VPS13D: variants seen among roughly 807,000 people sequenced by gnomAD.
VPS13D encodes intermembrane lipid transfer protein VPS13D.
A neutral mutation model predicts 461.9 loss-of-function variants in VPS13D; 187 were observed. The observed-to-expected ratio is 0.40, with a 90% CI of 0.36 to 0.46. VPS13D has a LOEUF of 0.46. Among genes scored for constraint, VPS13D ranks in the 20% least tolerant of loss-of-function variants. The pLI, the probability that VPS13D is intolerant of heterozygous loss-of-function variation, is 0.60. For synonymous variants in VPS13D, 1,951 were observed against 1,986.3 expected (o/e 0.98, Z 0.47); for missense variants, 4,711 against 5,364.9 (o/e 0.88, Z 3.81).
At chr1:12,329,550 C>G (rs1020948501) in intron 36 of VPS13D, among the ~76,000 whole-genome samples, 1 of 152,176 alleles carries the variant, frequency 6.6e-6, no homozygotes, top group Non-Finnish European at 1.5e-5. Context: ...TTCAGGTACA[C>G]CTGGGTGCCA....
chr1:12,482,470 A>T (rs1338046666), intron 67 of VPS13D, among the ~76,000 whole-genome samples: 1 of 152,240 alleles, frequency 6.6e-6, no homozygotes, highest in Admixed American at 6.5e-5. Flanking sequence ...TTTTTAAAAC[A>T]TAGTTTGATT....
intron 6 of VPS13D, among the ~76,000 whole-genome samples, chr1:12,250,490 C>G (rs1047940375): frequency 2.6e-5 from 4 of 152,222 alleles, no homozygotes; most frequent in African/African-American, 7.2e-5. Context: ...CACAGCTTGT[C>G]ATAACTAGAA....
rs760782412 is a variant in VPS13D, at chr1:12,304,527, C to G, written c.6238C>G (p.Pro2080Ala). 6.2e-7 allele frequency: 1 copy of G among 1,613,910 alleles called. No homozygotes were observed. Among genetic ancestry groups the G allele is most frequent in the Admixed American group, 1.7e-5 (1 of 59,978 alleles). Residue 2080 changes from proline (P) to alanine (A), a missense_variant, in exon 26 of 70, where the codon CCA becomes GCA. Physicochemically the swap from Pro to Ala is conservative, Grantham distance 27. Coordinates refer to ENST00000620676, the MANE Select transcript of VPS13D (RefSeq NM_015378.4). ...QDKESVPSAS[P>A]TGIPKHSLRK... is the part of the protein sequence containing the mutation. ...CCAGGAATCTGTGCCTTCAGCTTCC[C>G]CAACGGGTATTCCCAAACACAGTCT...
intron 23 of VPS13D, among the ~76,000 whole-genome samples, chr1:12,292,342 C>A (rs935099110): frequency 8.6e-5 from 6 of 70,154 alleles, no homozygotes; most frequent in Non-Finnish European, 1.4e-4. Flanking sequence ...TTTTTTTTTT[C>A]TTTTTTTTAA....
chr1:12,363,300 A>G, intron 52 of VPS13D, 53 bp downstream of exon 52: 1 of 1,568,148 alleles, frequency 6.4e-7, no homozygotes, highest in Non-Finnish European at 8.7e-7. Context: ...TTTGAGATGC[A>G]GTACTGTAAT....
chr1:12,244,185 A>G (rs1640472050), intron 3 of VPS13D, 61 bp from the exon 4 acceptor site: 18 of 1,521,622 alleles, frequency 1.2e-5, no homozygotes, highest in East Asian at 4.5e-5. Flanking sequence ...AAAAATACCA[A>G]AAAATGGAAA....
chr1:12,443,191 A>AT (rs1235647612), intron 65 of VPS13D, among the ~76,000 whole-genome samples: 1 of 152,212 alleles, frequency 6.6e-6, no homozygotes, highest in African/African-American at 2.4e-5. Flanking sequence ...CCAAACATAT[A>AT]TTTTTAATTC....
At chr1:12,414,129 C>A (rs1644765807) in intron 63 of VPS13D, among the ~76,000 whole-genome samples, 1 of 152,048 alleles carries the variant, frequency 6.6e-6, no homozygotes, top group South Asian at 2.1e-4. Flanking sequence ...ACAAAAAATA[C>A]AAAAATTAGC....
At chr1:12,481,251 A>C (rs1183366275) in intron 67 of VPS13D, among the ~76,000 whole-genome samples, 1 of 152,184 alleles carries the variant, frequency 6.6e-6, no homozygotes, top group African/African-American at 2.4e-5. Flanking sequence ...CCTGCTTGCA[A>C]GTCTGCATCC....
intron 47 of VPS13D, among the ~76,000 whole-genome samples, chr1:12,355,204 T>TC (rs200612275): frequency 0.011 from 1,629 of 152,286 alleles, 22 homozygotes; most frequent in African/African-American, 0.037. Flanking sequence ...TAATCCTAAA[T>TC]CAGGTCTTCA....
intron 67 of VPS13D, among the ~76,000 whole-genome samples, chr1:12,470,941 T>C (rs967498971): frequency 6.6e-6 from 1 of 152,244 alleles, no homozygotes; most frequent in African/African-American, 2.4e-5. Context: ...AATGATCCTT[T>C]GATTTTTTAG....
At chr1:12,322,099 T>A in intron 33 of VPS13D, 135 bp downstream of exon 33, 2 of 1,137,282 alleles carry the variant, frequency 1.8e-6, no homozygotes, top group Non-Finnish European at 2.5e-6. Context: ...GGAGTCTTGC[T>A]CTGTCGCCCA....
Position 12,323,755 on chromosome 1 carries a change from T to C in VPS13D, c.7965T>C (p.Cys2655=). 1.9e-6 allele frequency: 3 copies of C among 1,614,132 alleles called. No homozygotes were observed. Among genetic ancestry groups the C allele is most frequent in the Non-Finnish European group, 2.5e-6 (3 of 1,179,980 alleles). ...LQELGFSMDD[C]RKALLACQGQ... is the part of the protein sequence containing the mutation. ...AGCTGGGATTCAGCATGGATGATTGTCGCAAAGCTCTTTTGGCGTGTCAAG... is the reference window on the plus strand; with the variant it reads ...AGCTGGGATTCAGCATGGATGATTGCCGCAAAGCTCTTTTGGCGTGTCAAG... The change falls in exon 35 of 70, where the codon TGT becomes TGC. Residue 2655 remains cysteine (C), a synonymous_variant. Coordinates refer to ENST00000620676, the MANE Select transcript of VPS13D (RefSeq NM_015378.4).
intron 23 of VPS13D, among the ~76,000 whole-genome samples, chr1:12,291,862 A>G (rs1364099915): frequency 6.6e-6 from 1 of 152,208 alleles, no homozygotes; most frequent in Non-Finnish European, 1.5e-5. Context: ...TGTTGAGGTT[A>G]TGAGTTCATT....
rs1427031027 is a variant in VPS13D, at chr1:12,495,410, G to A, written c.12663-2090G>A. Among the ~76,000 whole-genome samples the A allele has an allele frequency of 1.3e-5, 2 of 151,972 alleles. No homozygotes were observed. The highest frequency in any genetic ancestry group is 4.8e-5 in the African/African-American group (2 of 41,376). Reference sequence around the variant, plus strand: ...CCTGACCCTGTGATCCATCCGCCTCGGCCTCCCAAAGTGCTGGGATTACAG... The same window carrying A: ...CCTGACCCTGTGATCCATCCGCCTCAGCCTCCCAAAGTGCTGGGATTACAG... On this transcript the variant is annotated intron_variant, in intron 67 of 69. Coordinates refer to ENST00000620676, the MANE Select transcript of VPS13D (RefSeq NM_015378.4). The surrounding 1 kb of genome is among the most constrained non-coding windows in gnomAD (Gnocchi z 4.0).
chr1:12,367,649 C>T lies in VPS13D; in HGVS notation c.10449-819C>T, dbSNP rs189035320. 144 of 151,880 alleles carry T rather than the reference C, an allele frequency of 9.5e-4. 1 individual carries two copies. The highest frequency in any genetic ancestry group is 3.0e-3 in the African/African-American group (126 of 41,412). 9.4% of individuals were successfully genotyped at this position (151,880 alleles called of 1,614,324 possible). On this transcript the variant is annotated intron_variant, in intron 52 of 69. Transcript: ENST00000620676. The stretch of plus-strand genomic sequence containing the variant: ...GAGTGCAGTGGCACAATCTCGGCTC[C>T]CTGGAGTGCAGTGGCGCGATCTCGG...
chr1:12,467,619 C>G lies in VPS13D; in HGVS notation c.12662+7223C>G, dbSNP rs550692826. Among the ~76,000 whole-genome samples the G allele has an allele frequency of 1.6e-3, 249 of 152,302 alleles. 3 individuals carry two copies. The highest frequency in any genetic ancestry group is 6.8e-3 in the Middle Eastern group (2 of 294). Reference sequence around the variant, plus strand: ...CTCTAAATACTGTATTCCCCTTTCACTCAAAGGCCCCAGACGATGCCATTC... The same window carrying G: ...CTCTAAATACTGTATTCCCCTTTCAGTCAAAGGCCCCAGACGATGCCATTC... On this transcript the variant is annotated intron_variant, in intron 67 of 69. Transcript: ENST00000620676.
chr1:12,488,066 T>C (rs898299256), intron 67 of VPS13D, among the ~76,000 whole-genome samples: 11 of 152,188 alleles, frequency 7.2e-5, no homozygotes. Flanking sequence ...ACTCCTTTCT[T>C]CAGAAAACAC....
chr1:12,461,974 A>G (rs953671391), intron 67 of VPS13D, among the ~76,000 whole-genome samples: 1 of 152,166 alleles, frequency 6.6e-6, no homozygotes, highest in Non-Finnish European at 1.5e-5. Context: ...CATTTTTATT[A>G]GTTGTTCAAC....
Sources: allele counts gnomAD v4.1 joint callset (sites outside exome capture counted in the v4.1 genomes callset), GRCh38; gene constraint gnomAD v4.1.1; non-coding constraint Gnocchi (gnomAD v3.1); transcripts MANE v1.5; gene names NCBI Gene and HGNC (gene_info 2026-07-23, HGNC 2026-07-21).